The following TMIGD3 variants were observed in gnomAD, a reference collection of about 807,000 sequenced individuals.
TMIGD3 encodes AD026 protein (AD026).
TMIGD3 carries 21 observed loss-of-function variants against 28.1 expected under a neutral mutation model. That is an observed-to-expected ratio of 0.75 (90% CI 0.53 to 1.08). TMIGD3 has a LOEUF of 1.08. Ranked by LOEUF, TMIGD3 falls within the 50% of genes least tolerant of loss-of-function variation. TMIGD3 has a pLI of 0.00. For synonymous variants in TMIGD3, 151 were observed against 162.1 expected (o/e 0.93, Z 0.52); for missense variants, 416 against 435.6 (o/e 0.96, Z 0.40).
intron 2 of TMIGD3, chr1:111,490,381 T>A: frequency 2.3e-6 from 1 of 433,342 alleles, no homozygotes; most frequent in Non-Finnish European, 4.2e-6. Flanking sequence ...TAATCTACTC[T>A]GTATCATTCT....
chr1:111,496,979 G>C (rs2100971550), intron 1 of TMIGD3, among the ~76,000 whole-genome samples: 1 of 152,280 alleles, frequency 6.6e-6, no homozygotes, highest in African/African-American at 2.4e-5. Flanking sequence ...AAGGGAGGAA[G>C]CAAACCTCAG....
intron 1 of TMIGD3, among the ~76,000 whole-genome samples, chr1:111,548,831 A>G (rs1657137523): frequency 1.3e-5 from 2 of 152,140 alleles, no homozygotes; most frequent in South Asian, 4.1e-4. Context: ...CTTCACTACA[A>G]ATGTGATGTT....
chr1:111,527,474 G>A (rs1270280268), intron 1 of TMIGD3, among the ~76,000 whole-genome samples: 1 of 152,170 alleles, frequency 6.6e-6, no homozygotes, highest in Non-Finnish European at 1.5e-5. Flanking sequence ...AAACACTCAT[G>A]TGTAGGTTTT....
At chr1:111,556,933 G>A (rs116242546) in intron 1 of TMIGD3, among the ~76,000 whole-genome samples, 3,915 of 151,756 alleles carry the variant, frequency 0.026, 152 homozygotes, top group African/African-American at 0.089. Flanking sequence ...ATATTACCAA[G>A]GTTTTTTCAA....
chr1:111,494,617 A>C (rs1213425517), intron 1 of TMIGD3, among the ~76,000 whole-genome samples: 1 of 152,254 alleles, frequency 6.6e-6, no homozygotes, highest in Non-Finnish European at 1.5e-5. Flanking sequence ...AGCAATTTAC[A>C]GATTCAATGT....
intron 1 of TMIGD3, among the ~76,000 whole-genome samples, chr1:111,549,674 T>A (rs538344566): frequency 2.0e-5 from 3 of 147,500 alleles, no homozygotes; most frequent in African/African-American, 7.5e-5. Context: ...AAAGACAAGA[T>A]CTCTCTCTCT....
chr1:111,495,286 C>T (rs1654841232), intron 1 of TMIGD3, among the ~76,000 whole-genome samples: 1 of 152,138 alleles, frequency 6.6e-6, no homozygotes, highest in Non-Finnish European at 1.5e-5. Context: ...AAACAAACAG[C>T]CCATTAAAAG....
In TMIGD3 at chr1:111,515,686, G is replaced by T. The variant is rs553576226; in HGVS notation, c.108-24924C>A. 3.3e-5 allele frequency among the ~76,000 whole-genome samples: 5 copies of T among 152,348 alleles called. No individual in the cohort carries two copies. In the East Asian group the frequency reaches 9.7e-4, roughly 29 times the overall value. On this transcript the variant is annotated intron_variant, in intron 1 of 5. Transcript: ENST00000369717. Reference sequence around the variant, plus strand: ...GCGCTGAGGGGGCCCTGGCGCCGGGGACTGTGGCCCCGACAACCCCCCAGA... The same window carrying T: ...GCGCTGAGGGGGCCCTGGCGCCGGGTACTGTGGCCCCGACAACCCCCCAGA...
intron 1 of TMIGD3, among the ~76,000 whole-genome samples, chr1:111,540,971 T>G (rs1656802991): frequency 1.3e-5 from 2 of 152,164 alleles, no homozygotes; most frequent in Admixed American, 1.3e-4. Context: ...GGCAAACTTT[T>G]TCTGAAAAGG....
chr1:111,495,239 AG>A (rs1201575416), intron 1 of TMIGD3, among the ~76,000 whole-genome samples: 3 of 152,268 alleles, frequency 2.0e-5, no homozygotes, highest in Non-Finnish European at 4.4e-5. Flanking sequence ...TCTAATATCC[AG>A]CATCTATAAG....
intron 1 of TMIGD3, among the ~76,000 whole-genome samples, chr1:111,535,873 C>T (rs145346427): frequency 3.2e-4 from 48 of 152,316 alleles, no homozygotes; most frequent in African/African-American, 6.5e-4. Flanking sequence ...GGCCTCCAGA[C>T]ACACAACAGC....
chr1:111,548,356 G>A (rs1333202314), intron 1 of TMIGD3, among the ~76,000 whole-genome samples: 1 of 152,226 alleles, frequency 6.6e-6, no homozygotes, highest in African/African-American at 2.4e-5. Flanking sequence ...CCATTGCTTT[G>A]ATTGTGCCTT....
chr1:111,502,076 T>TTATAATAAATATATAGGATATA (rs1557823902), intron 1 of TMIGD3, among the ~76,000 whole-genome samples: 6 of 129,220 alleles, frequency 4.6e-5, no homozygotes, highest in Non-Finnish European at 8.0e-5. Context: ...GATATATATA[T>TTATAATAAATATATAGGATATA]TATAATAAAT....
intron 1 of TMIGD3, among the ~76,000 whole-genome samples, chr1:111,548,764 G>T (rs944600994): frequency 3.3e-5 from 5 of 152,200 alleles, no homozygotes; most frequent in African/African-American, 1.2e-4. Context: ...TCTTTGGGGC[G>T]TTGTCCCCAT....
chr1:111,537,891 T>C (rs1053200599), intron 1 of TMIGD3, among the ~76,000 whole-genome samples: 5 of 151,748 alleles, frequency 3.3e-5, no homozygotes, highest in Non-Finnish European at 7.4e-5. Context: ...ATCTTTTTTG[T>C]TGGACCACTT....
chr1:111,531,217 G>T (rs1656447098), intron 1 of TMIGD3, among the ~76,000 whole-genome samples: 1 of 151,884 alleles, frequency 6.6e-6, no homozygotes, highest in African/African-American at 2.4e-5. Flanking sequence ...GGCAGAGGTT[G>T]CAGTAAGCCA....
At chr1:111,506,912 A>T (rs370873704), upstream of TMIGD3, among the ~76,000 whole-genome samples, 18 of 43,306 alleles carry the variant, frequency 4.2e-4, no homozygotes, top group Non-Finnish European at 5.9e-4. Context: ...ATATATATAT[A>T]TTATATATAT....
intron 1 of TMIGD3, among the ~76,000 whole-genome samples, chr1:111,559,957 GT>G (rs1242333569): frequency 6.6e-6 from 1 of 152,172 alleles, no homozygotes; most frequent in African/African-American, 2.4e-5. Flanking sequence ...GCACTTATCA[GT>G]TGTCCTGTCC....
intron 1 of TMIGD3, among the ~76,000 whole-genome samples, chr1:111,537,917 T>C (rs1313088527): frequency 1.3e-5 from 2 of 152,224 alleles, no homozygotes; most frequent in African/African-American, 4.8e-5. Context: ...TTCATTTATT[T>C]AAGGGCATTT....
Sources: gnomAD v4.1 joint callset for allele counts (sites outside exome capture counted in the v4.1 genomes callset) on GRCh38, gnomAD v4.1.1 for gene constraint, MANE v1.5 for transcripts, NCBI Gene and HGNC (gene_info 2026-07-23, HGNC 2026-07-21) for gene names.